Variants in WWOX observed in about 807,000 individuals in gnomAD.
The protein encoded by WWOX is WW domain containing oxidoreductase, also known as WW domain-containing oxidoreductase.
A neutral mutation model predicts 46.2 loss-of-function variants in WWOX; 69 were observed. That is an observed-to-expected ratio of 1.49 (90% confidence interval 1.23 to 1.82). WWOX has a LOEUF of 1.82. Among genes scored for constraint, WWOX ranks in the 40% most tolerant of loss-of-function variants. The pLI, the probability that WWOX is intolerant of heterozygous loss-of-function variation, is 0.00. For missense variants in WWOX, 919 were observed against 542.6 expected, an observed-to-expected ratio of 1.69 and a Z score of -6.89; for synonymous variants, 359 against 202.6, an observed-to-expected ratio of 1.77 and a Z score of -6.56.
intron 8 of WWOX, among the ~76,000 whole-genome samples, chr16:78,861,956 G>A (rs762054270): frequency 3.3e-5 from 5 of 152,148 alleles, no homozygotes; most frequent in African/African-American, 7.2e-5. Flanking sequence ...TGATACTGAT[G>A]GTTGTAGTAG....
At chr16:79,170,172 C>T (rs1304555660) in intron 8 of WWOX, among the ~76,000 whole-genome samples, 2 of 152,170 alleles carry the variant, frequency 1.3e-5, no homozygotes, top group East Asian at 3.8e-4. Flanking sequence ...CATGTTTTTC[C>T]AGTGGAAATG....
chr16:78,375,637 G>A (rs1402585654), intron 5 of WWOX, among the ~76,000 whole-genome samples: 2 of 152,058 alleles, frequency 1.3e-5, no homozygotes, highest in Admixed American at 6.5e-5. Context: ...AACCTTTTTG[G>A]AGGACCCTCA....
At chr16:78,185,049 GCTGACCCTCGCT>G (rs1567618103) in intron 5 of WWOX, among the ~76,000 whole-genome samples, 2 of 152,076 alleles carry the variant, frequency 1.3e-5, no homozygotes, top group African/African-American at 4.8e-5. Flanking sequence ...AGAGGGATGT[GCTGACCCTCGCT>G]CTGGCTCAAA....
chr16:78,968,072 G>T (rs898842272), intron 8 of WWOX, among the ~76,000 whole-genome samples: 2 of 151,814 alleles, frequency 1.3e-5, no homozygotes, highest in African/African-American at 4.8e-5. Flanking sequence ...TGTGTGGTCT[G>T]TATGGCACAG....
At chr16:78,322,270 A>T (rs2080500760) in intron 5 of WWOX, among the ~76,000 whole-genome samples, 2 of 152,182 alleles carry the variant, frequency 1.3e-5, no homozygotes, top group Admixed American at 1.3e-4. Flanking sequence ...ATGTCTTCCA[A>T]GCCTTCTGTG....
intron 8 of WWOX, among the ~76,000 whole-genome samples, chr16:78,849,082 C>G (rs1597716949): frequency 6.6e-6 from 1 of 152,264 alleles, no homozygotes; most frequent in African/African-American, 2.4e-5. Flanking sequence ...CCACAGCTCC[C>G]CAGGGTCTAC....
chr16:78,736,288 A>T (rs1038213426), intron 8 of WWOX, among the ~76,000 whole-genome samples: 1 of 152,174 alleles, frequency 6.6e-6, no homozygotes, highest in Admixed American at 6.5e-5. Flanking sequence ...GTCATAGGCT[A>T]TCCTCATGGG....
chr16:78,594,429 G>GGCCCCCCCCCCC (rs2045429050), intron 8 of WWOX, among the ~76,000 whole-genome samples: 1 of 32,380 alleles, frequency 3.1e-5, no homozygotes, highest in Admixed American at 6.2e-4. Context: ...CTGAGGAAAG[G>GGCCCCCCCCCCC]CCCCCCCCCC....
intron 8 of WWOX, among the ~76,000 whole-genome samples, chr16:79,092,450 C>T (rs574364580): frequency 2.0e-4 from 30 of 152,218 alleles, no homozygotes; most frequent in Middle Eastern, 3.4e-3. Context: ...TGGATGTGCA[C>T]CCTTGCTCAT....
intron 8 of WWOX, among the ~76,000 whole-genome samples, chr16:78,851,553 T>C (rs891484232): frequency 2.0e-5 from 3 of 152,230 alleles, no homozygotes; most frequent in Non-Finnish European, 2.9e-5. Context: ...TTGTGTTTGT[T>C]TATTTTCCAT....
Position 79,049,563 on chromosome 16 carries a change from C to T in WWOX, c.1057-162045C>T, listed in dbSNP as rs138846432. On this transcript the variant is annotated intron_variant, in intron 8 of 8. Transcript: ENST00000566780. The stretch of plus-strand genomic sequence containing the variant: ...TTAAGACTGCATCTGAGTGGCAGGG[C>T]GCAGTAGCTGACCCTTGTAATCCCA... Among the ~76,000 whole-genome samples the T allele has an allele frequency of 3.9e-3, 589 of 152,190 alleles. 4 individuals are homozygous for T. Among genetic ancestry groups the T allele is most frequent in the African/African-American group, 0.013 (539 of 41,528 alleles).
intron 8 of WWOX, among the ~76,000 whole-genome samples, chr16:78,505,473 C>T (rs7190170): frequency 0.11 from 16,021 of 152,058 alleles, 1,891 homozygotes; most frequent in African/African-American, 0.28. Flanking sequence ...ACTTTTTTAA[C>T]GCTTCGTACC....
chr16:78,910,340 A>G (rs1353232952), intron 8 of WWOX, among the ~76,000 whole-genome samples: 1 of 151,970 alleles, frequency 6.6e-6, no homozygotes, highest in Non-Finnish European at 1.5e-5. Context: ...TGAGACTAAC[A>G]AGGGCCCTGA....
At chr16:78,231,860 C>G (rs1426345302) in intron 5 of WWOX, among the ~76,000 whole-genome samples, 1 of 151,432 alleles carries the variant, frequency 6.6e-6, no homozygotes. Context: ...ATAGTAAGTT[C>G]TACTAGACAT....
intron 8 of WWOX, chr16:78,550,899 C>T (rs986133389): frequency 8.5e-5 from 13 of 152,172 alleles, no homozygotes; most frequent in African/African-American, 3.1e-4. Context: ...TATGACTTAT[C>T]ACTTGGCTGG....
At chr16:78,878,663 T>C (rs572362369) in intron 8 of WWOX, among the ~76,000 whole-genome samples, 1 of 152,266 alleles carries the variant, frequency 6.6e-6, no homozygotes, top group East Asian at 1.9e-4. Context: ...TCTGTAAATG[T>C]TACCCATTTT....
At chr16:78,574,466 G>C (rs1244515672) in intron 8 of WWOX, among the ~76,000 whole-genome samples, 1 of 152,074 alleles carries the variant, frequency 6.6e-6, no homozygotes, top group South Asian at 2.1e-4. Flanking sequence ...TGTAAGACCT[G>C]AATCCTATCT....
chr16:78,617,575 T>C (rs186118856), intron 8 of WWOX, among the ~76,000 whole-genome samples: 140 of 152,260 alleles, frequency 9.2e-4, no homozygotes, highest in Admixed American at 2.0e-3. Flanking sequence ...GACGTGCTTG[T>C]GTGTGTTCTG....
intron 4 of WWOX, among the ~76,000 whole-genome samples, chr16:78,120,983 T>G (rs1373854619): frequency 6.8e-6 from 1 of 146,718 alleles, no homozygotes; most frequent in African/African-American, 2.5e-5. Flanking sequence ...TCATTGATGG[T>G]TTTTTTTTTT....
Sources: allele counts gnomAD v4.1 joint callset (sites outside exome capture counted in the v4.1 genomes callset), GRCh38; gene constraint gnomAD v4.1.1; transcripts MANE v1.5; gene names NCBI Gene and HGNC (gene_info 2026-07-23, HGNC 2026-07-21).